Variants in CALR3 observed in about 807,000 individuals in gnomAD.
The protein encoded by CALR3 is calreticulin 3, also known as calreticulin-3.
A neutral mutation model predicts 48.7 loss-of-function variants in CALR3; 39 were observed. The ratio of observed to expected loss-of-function variants is 0.80; its 90% CI spans 0.62 to 1.05. The LOEUF (loss-of-function observed/expected upper bound fraction) is 1.05, where lower values mean the gene tolerates loss of function less well. Ranked by LOEUF, CALR3 falls within the 50% of genes least tolerant of loss-of-function variation. CALR3 has a pLI of 0.00. For missense variants in CALR3, 449 were observed against 474.7 expected (o/e 0.95, Z 0.50); for synonymous variants, 185 against 172.7 (o/e 1.07, Z -0.56).
At chr19:16,492,347 T>G (rs1049807507) in intron 2 of CALR3, among the ~76,000 whole-genome samples, 7 of 152,134 alleles carry the variant, frequency 4.6e-5, no homozygotes, top group Admixed American at 3.9e-4. Flanking sequence ...TCCCAGCTAC[T>G]CGGGAAGCTC....
rs374008030 is a variant in CALR3 at position 16,485,261 on chromosome 19, C to T, written c.398-4G>A. ...TCAAATCCACAAATATCGGGTCCTA[C>T]AAAAAAGATTAGCTGCTCTCAATTT... On this transcript the variant is annotated splice_region_variant and splice_polypyrimidine_tract_variant and intron_variant, in intron 3 of 8. Coordinates refer to ENST00000269881, the MANE Select transcript of CALR3 (RefSeq NM_145046.5). The T allele has an allele frequency of 6.2e-5, 97 of 1,573,838 alleles. No homozygotes were observed. The African/African-American group carries it at 1.2e-3, about 20-fold the overall frequency.
At chr19:16,494,546 G>C (rs2093402959) in intron 2 of CALR3, among the ~76,000 whole-genome samples, 1 of 151,588 alleles carries the variant, frequency 6.6e-6, no homozygotes, top group Non-Finnish European at 1.5e-5. Context: ...ATTTTTAGTA[G>C]AGACAGGGTG....
At chr19:16,493,729 TA>T (rs769145121) in intron 2 of CALR3, among the ~76,000 whole-genome samples, 3,071 of 151,740 alleles carry the variant, frequency 0.02, 103 homozygotes, top group Admixed American at 0.081. Context: ...TTTGTATATA[TA>T]TATATTTTTT....
At chr19:16,485,727 C>T (rs2093388102) in intron 3 of CALR3, among the ~76,000 whole-genome samples, 1 of 152,126 alleles carries the variant, frequency 6.6e-6, no homozygotes, top group Admixed American at 6.6e-5. Flanking sequence ...GATCTTGGCT[C>T]ACTGCAGTCT....
chr19:16,485,625 C>G (rs1014391385), intron 3 of CALR3, among the ~76,000 whole-genome samples: 1 of 151,190 alleles, frequency 6.6e-6, no homozygotes, highest in African/African-American at 2.4e-5. Flanking sequence ...GTCCATTCTT[C>G]TTACATATAA....
At chr19:16,484,150 ATCC>A (rs1370315277) in intron 4 of CALR3, 35 bp from the exon 5 acceptor site, 1 of 1,554,842 alleles carries the variant, frequency 6.4e-7, no homozygotes, top group Non-Finnish European at 8.8e-7. Context: ...TAACAATTAA[ATCC>A]TCAATTTCTT....
rs1295425719 is a variant in CALR3, at chr19:16,479,254, A to T, written c.1032T>A (p.Asp344Glu). The T allele has an allele frequency of 2.5e-6, 4 of 1,613,950 alleles. No individual in the cohort carries two copies. Among genetic ancestry groups the T allele is most frequent in the Non-Finnish European group, 3.4e-6 (4 of 1,179,986 alleles). ...TCATTTCCTCCTTGGCCTGTATGGC[A>T]TCCATCTCCCTTTCTGGACCCTGGA... is the stretch of plus-strand genomic sequence containing the variant. Reference protein sequence around the residue: ...GETKGPEREMDAIQAKEEMKK... With the variant: ...GETKGPEREMEAIQAKEEMKK... The change falls in exon 9 of 9, where the codon GAT becomes GAA. Residue 344 changes from aspartate (D) to glutamate (E), a missense_variant. By Grantham distance (45) the Asp-to-Glu change is conservative (BLOSUM62 2). Transcript: ENST00000269881.
rs1163248914 is a variant in CALR3, at chr19:16,482,907, C to T, written c.679-122G>A. 1.4e-5 allele frequency: 12 copies of T among 887,478 alleles called. No homozygotes were observed. In the South Asian group the frequency reaches 1.7e-4, roughly 13 times the overall value. 55.0% of individuals were successfully genotyped at this position (887,478 alleles called of 1,614,324 possible). A position where few individuals can be genotyped will look rare whatever the true frequency, so the allele number is the denominator to read the frequency against. On this transcript the variant is annotated intron_variant, in intron 5 of 8. Transcript: ENST00000269881. The stretch of plus-strand genomic sequence containing the variant: ...TCACCCAGGCTGGAGTGCGGTTGTG[C>T]AATCATGGCTCACTGCAGCCTCAAC...
Position 16,484,043 on chromosome 19 carries a change from GA to G in CALR3, c.564del (p.Gln189SerfsTer8), listed in dbSNP as rs747656642. On this transcript the variant is annotated frameshift_variant, in exon 5 of 9. Coordinates refer to ENST00000269881, the MANE Select transcript of CALR3 (RefSeq NM_145046.5). LOFTEE classifies it high-confidence loss of function. ...PDLSYDVKID[G>X]QSIESGSIEY... ...TCTATGCTGCCGGATTCAATTGACT[GA>G]CCATCAATTTTCACATCATAAGAAA... is the stretch of plus-strand genomic sequence containing the variant. The G allele has an allele frequency of 1.3e-4, 203 of 1,613,928 alleles. 1 individual carries two copies. The highest frequency in any genetic ancestry group is 1.7e-4 in the Non-Finnish European group (198 of 1,180,016).
At position 16,485,063 on chromosome 19, in the gene CALR3, C is replaced by T. The variant is rs924771220; in HGVS notation, c.492+100G>A. The T allele has an allele frequency of 3.7e-6, 3 of 814,236 alleles. No homozygotes were observed. In the African/African-American group the frequency reaches 5.1e-5, roughly 14 times the overall value. 50.4% of individuals were successfully genotyped at this position (814,236 alleles called of 1,614,324 possible). ...AACAGGAGGTATGTCTACAAAGACCCATCCCTGGCTCAGTTAAGTATTTTA... is the reference window on the plus strand; with the variant it reads ...AACAGGAGGTATGTCTACAAAGACCTATCCCTGGCTCAGTTAAGTATTTTA... On this transcript the variant is annotated intron_variant, in intron 4 of 8. Coordinates refer to ENST00000269881, the MANE Select transcript of CALR3 (RefSeq NM_145046.5).
Position 16,496,078 on chromosome 19 carries a change from G to A in CALR3, c.52C>T (p.Leu18=), listed in dbSNP as rs1279865482. Residue 18 remains leucine (L), a synonymous_variant, in exon 1 of 9, where the codon CTG becomes TTG. Coordinates refer to ENST00000269881, the MANE Select transcript of CALR3 (RefSeq NM_145046.5). ...TCCTCTTGGAAATAGACGGTAGCCA[G>A]CGCCACTCGCAGCATGCATATGGCC... ...LWAICMLRVA[L]ATVYFQEEFL... is the part of the protein sequence containing the mutation. 1 of 1,607,052 alleles carries A rather than the reference G, an allele frequency of 6.2e-7. No homozygotes were observed. The highest frequency in any genetic ancestry group is 8.5e-7 in the Non-Finnish European group (1 of 1,176,824).
chr19:16,482,741 G>T lies in CALR3; in HGVS notation c.723C>A (p.Ser241Arg), dbSNP rs753171373. Residue 241 changes from serine (S) to arginine (R), a missense_variant, in exon 6 of 9, where the codon AGC (serine) becomes AGA (arginine). Ser to Arg is a moderately radical substitution (Grantham distance 110). Coordinates refer to ENST00000269881, the MANE Select transcript of CALR3 (RefSeq NM_145046.5). ...HFLDASTSKQ[S>R]DWNGDLDGDW... Reference sequence around the variant, plus strand: ...CCCCATCCAGGTCACCGTTCCAGTCGCTCTGCTTGCTGGTGCTGGCGTCCA... The same window carrying T: ...CCCCATCCAGGTCACCGTTCCAGTCTCTCTGCTTGCTGGTGCTGGCGTCCA... The T allele has an allele frequency of 1.5e-5, 24 of 1,613,700 alleles. No homozygotes were observed. Among genetic ancestry groups the T allele is most frequent in the Non-Finnish European group, 2.0e-5 (24 of 1,179,954 alleles).
intron 7 of CALR3, 21 bp from the exon 8 acceptor site, chr19:16,480,727 T>C: frequency 1.4e-6 from 2 of 1,429,152 alleles, no homozygotes; most frequent in Non-Finnish European, 2.0e-6. Context: ...AAATAAGGCC[T>C]TCATTATTAT....
chr19:16,484,002 T>A lies in CALR3; in HGVS notation c.606A>T (p.Leu202Phe). 1 of 1,614,116 alleles carries A rather than the reference T, an allele frequency of 6.2e-7. No homozygotes were observed. The highest frequency in any genetic ancestry group is 8.5e-7 in the Non-Finnish European group (1 of 1,180,032). The change falls in exon 5 of 9, where the codon TTA becomes TTT. Residue 202 changes from leucine to phenylalanine, a missense_variant. Leu to Phe is a conservative substitution (Grantham distance 22). Transcript: ENST00000269881. ...GGGACGTTTCCTTCTTGAGTGATGT[T>A]AAGTTCCAGTCGTACTCTATGCTGC... ...ESGSIEYDWN[L>F]TSLKKETSPA...
intron 4 of CALR3, 88 bp downstream of exon 4, chr19:16,485,075 A>C (rs1197837053): frequency 2.2e-6 from 2 of 902,656 alleles, no homozygotes; most frequent in East Asian, 5.2e-5. Flanking sequence ...TCCCTGGCTC[A>C]GTTAAGTATT....
At chr19:16,489,292 C>T (rs2093394195) in intron 3 of CALR3, among the ~76,000 whole-genome samples, 1 of 152,122 alleles carries the variant, frequency 6.6e-6, no homozygotes, top group African/African-American at 2.4e-5. Flanking sequence ...CGATACCTGC[C>T]AGGAGTTCGA....
chr19:16,485,201 T>G lies in CALR3; in HGVS notation c.454A>C (p.Asn152His). 3 of 1,610,820 alleles carry G rather than the reference T, an allele frequency of 1.9e-6. No individual in the cohort carries two copies. Among genetic ancestry groups the G allele is most frequent in the Non-Finnish European group, 2.5e-6 (3 of 1,177,150 alleles). ...KKVHVILHFK[N>H]KYHENKKLIR... is the part of the protein sequence containing the mutation. ...AGTTTCTTGTTTTCGTGATACTTAT[T>G]CTTGAAATGTAAAATAACATGAACT... The change falls in exon 4 of 9, where the codon AAT becomes CAT. Residue 152 changes from asparagine (N) to histidine (H), a missense_variant. Transcript: ENST00000269881.
Position 16,483,986 on chromosome 19 carries a change from C to T in CALR3, c.622G>A (p.Glu208Lys). The T allele has an allele frequency of 6.2e-7, 1 of 1,614,024 alleles. No individual in the cohort carries two copies. The highest frequency in any genetic ancestry group is 1.1e-5 in the South Asian group (1 of 91,076). ...YDWNLTSLKK[E>K]TSPAESKDWE... ...TCCTTCGATTCTGCCGGGGACGTTT[C>T]CTTCTTGAGTGATGTTAAGTTCCAG... The change falls in exon 5 of 9, where the codon GAA becomes AAA. Residue 208 changes from glutamate (E) to lysine (K), a missense_variant. Glu to Lys is a moderately conservative substitution (Grantham distance 56). Coordinates refer to ENST00000269881, the MANE Select transcript of CALR3 (RefSeq NM_145046.5).
intron 3 of CALR3, among the ~76,000 whole-genome samples, chr19:16,488,931 A>T (rs372938315): frequency 1.3e-5 from 2 of 152,170 alleles, no homozygotes; most frequent in African/African-American, 4.8e-5. Flanking sequence ...TGACAACTTA[A>T]CTCTGCCACT....
Sources: allele counts gnomAD v4.1 joint callset (sites outside exome capture counted in the v4.1 genomes callset), GRCh38; gene constraint gnomAD v4.1.1; transcripts MANE v1.5; gene names NCBI Gene and HGNC (gene_info 2026-07-23, HGNC 2026-07-21).